The following SLC17A8 variants were observed in gnomAD, a reference collection of about 807,000 sequenced individuals.
SLC17A8 encodes solute carrier family 17 member 8.
A neutral mutation model predicts 58.0 loss-of-function variants in SLC17A8; 31 were observed. That is an observed-to-expected ratio of 0.53 (90% CI 0.40 to 0.72). SLC17A8 has a LOEUF of 0.72. SLC17A8 is among the 30% of genes least tolerant of loss of function. The probability of loss-of-function intolerance (pLI) is 0.00; values close to 1 mark genes in which losing one functional copy is unlikely to be tolerated. For missense variants in SLC17A8, 655 were observed against 727.8 expected (o/e 0.90, Z 1.15); for synonymous variants, 228 against 249.0 (o/e 0.92, Z 0.79).
At position 100,404,037 on chromosome 12, in the gene SLC17A8, G is replaced by A. The variant is rs768942980; in HGVS notation, c.1054-1G>A. ...CTGCTTACTGTTTCTTTCCCTTCCA[G>A]GTGGGTCTCTTGTCAGCAGTCCCAC... On this transcript the variant is annotated splice_acceptor_variant, in intron 8 of 11. Transcript: ENST00000323346. LOFTEE classifies it high-confidence loss of function. The A allele has an allele frequency of 1.2e-6, 2 of 1,614,068 alleles. No homozygotes were observed. Among genetic ancestry groups the A allele is most frequent in the Non-Finnish European group, 1.7e-6 (2 of 1,180,016 alleles).
chr12:100,375,688 G>A (rs760280597), intron 1 of SLC17A8, among the ~76,000 whole-genome samples: 1 of 152,240 alleles, frequency 6.6e-6, no homozygotes, highest in Non-Finnish European at 1.5e-5. Context: ...TGTATATAGA[G>A]AGCGCTAAGC....
intron 9 of SLC17A8, among the ~76,000 whole-genome samples, chr12:100,406,719 A>G (rs574379892): frequency 9.3e-4 from 142 of 152,006 alleles, no homozygotes; most frequent in African/African-American, 3.2e-3. Flanking sequence ...GTATTTTTGT[A>G]GAGACAGGGT....
At chr12:100,380,551 TA>T (rs1290020150) in intron 1 of SLC17A8, 149 bp from the exon 2 acceptor site, 10 of 463,934 alleles carry the variant, frequency 2.2e-5, no homozygotes, top group South Asian at 6.9e-5. Flanking sequence ...TAACTTACTT[TA>T]ATAATAATAG....
In SLC17A8 at chr12:100,396,323, C is replaced by T. The variant is rs1184488128; in HGVS notation, c.589-7C>T. 1 of 1,612,316 alleles carries T rather than the reference C, an allele frequency of 6.2e-7. No individual in the cohort carries two copies. Among genetic ancestry groups the T allele is most frequent in the Non-Finnish European group, 8.5e-7 (1 of 1,178,370 alleles). On this transcript the variant is annotated splice_region_variant and splice_polypyrimidine_tract_variant and intron_variant, in intron 4 of 11. Transcript: ENST00000323346. ...ATCAACTAATCTATTTTCAACTCTTCTGCCAGGGTGTGACCTACCCAGCCT... is the reference window on the plus strand; with the variant it reads ...ATCAACTAATCTATTTTCAACTCTTTTGCCAGGGTGTGACCTACCCAGCCT...
chr12:100,367,959 G>C (rs1177035857), intron 1 of SLC17A8, among the ~76,000 whole-genome samples: 1 of 152,170 alleles, frequency 6.6e-6, no homozygotes, highest in Non-Finnish European at 1.5e-5. Flanking sequence ...AAGTCACCAG[G>C]CTACTCTGGA....
intron 10 of SLC17A8, among the ~76,000 whole-genome samples, chr12:100,417,231 C>T (rs1952912885): frequency 6.6e-6 from 1 of 152,136 alleles, no homozygotes; most frequent in African/African-American, 2.4e-5. Flanking sequence ...TGATAGAAGA[C>T]CTCAAAGAGA....
intron 2 of SLC17A8, among the ~76,000 whole-genome samples, chr12:100,383,150 T>C (rs1052492876): frequency 1.3e-5 from 2 of 152,224 alleles, no homozygotes; most frequent in African/African-American, 4.8e-5. Context: ...ACTTGTCTGC[T>C]GAGGCCCAGA....
chr12:100,367,105 G>C (rs1952525390), intron 1 of SLC17A8, among the ~76,000 whole-genome samples: 1 of 151,944 alleles, frequency 6.6e-6, no homozygotes, highest in African/African-American at 2.4e-5. Flanking sequence ...TTCGTTTGTG[G>C]GTTTTCTGGT....
chr12:100,394,240 C>T (rs1337671163), intron 4 of SLC17A8, among the ~76,000 whole-genome samples: 2 of 152,140 alleles, frequency 1.3e-5, no homozygotes, highest in Non-Finnish European at 2.9e-5. Context: ...CACCTCTGAC[C>T]TTCGCCAGTT....
In SLC17A8 at chr12:100,391,097, T is replaced by G. The variant is rs1275182642; in HGVS notation, c.451T>G (p.Ser151Ala). 1 of 1,612,502 alleles carries G rather than the reference T, an allele frequency of 6.2e-7. No individual in the cohort carries two copies. The highest frequency in any genetic ancestry group is 1.7e-5 in the Admixed American group (1 of 60,004). ...IMTQIPGGFISNKFAANRVFG... is the reference protein window; with the variant it reads ...IMTQIPGGFIANKFAANRVFG... The stretch of plus-strand genomic sequence containing the variant: ...GACACAAATTCCAGGTGGTTTCATT[T>G]CAAACAAGTTTGCTGCTAACAGGTA... The change falls in exon 3 of 12, where the codon TCA (serine) becomes GCA (alanine). Residue 151 changes from serine to alanine, a missense_variant. Physicochemically the swap from Ser to Ala is moderately conservative, Grantham distance 99. Coordinates refer to ENST00000323346, the MANE Select transcript of SLC17A8 (RefSeq NM_139319.3).
chr12:100,419,011 AT>A (rs1295838691), intron 11 of SLC17A8, among the ~76,000 whole-genome samples: 1 of 152,176 alleles, frequency 6.6e-6, no homozygotes, highest in Non-Finnish European at 1.5e-5. Flanking sequence ...AATTCCCATT[AT>A]TTTTTGACAT....
rs1320077825 is a variant in SLC17A8, at chr12:100,420,640, A to G, written c.*481A>G. On this transcript the variant is annotated 3_prime_UTR_variant, in exon 12 of 12. Coordinates refer to ENST00000323346, the MANE Select transcript of SLC17A8 (RefSeq NM_139319.3). ...TAATCTCCACACCTTTATGACACAC[A>G]TTTCTTATCCCCATTTTACAACCAA... is the stretch of plus-strand genomic sequence containing the variant. The G allele has an allele frequency of 6.1e-6, 1 of 162,740 alleles. No individual in the cohort carries two copies. Among genetic ancestry groups the G allele is most frequent in the African/African-American group, 2.4e-5 (1 of 41,642 alleles). The allele number at this position is 162,740 out of a possible 1,614,324, so 10.1% of individuals were successfully genotyped here.
Position 100,380,715 on chromosome 12 carries a change from C to G in SLC17A8, c.116C>G (p.Thr39Arg). ...LGILQRKIDG[T>R]TEEEDNIELN... Reference sequence around the variant, plus strand: ...TTCCCATGTAGAAAAATCGATGGGACAACTGAGGAAGAAGATAACATTGAG... The same window carrying G: ...TTCCCATGTAGAAAAATCGATGGGAGAACTGAGGAAGAAGATAACATTGAG... The change falls in exon 2 of 12, where the codon ACA becomes AGA. Residue 39 changes from threonine (T) to arginine (R), a missense_variant. Coordinates refer to ENST00000323346, the MANE Select transcript of SLC17A8 (RefSeq NM_139319.3). 1 of 1,613,782 alleles carries G rather than the reference C, an allele frequency of 6.2e-7. No individual in the cohort carries two copies. Among genetic ancestry groups the G allele is most frequent in the Non-Finnish European group, 8.5e-7 (1 of 1,179,984 alleles).
Position 100,412,845 on chromosome 12 carries a change from T to C in SLC17A8, c.1262T>C (p.Val421Ala), listed in dbSNP as rs1364626801. ...HTKGVAISFL[V>A]LAVGFSGFAI... is the part of the protein sequence containing the mutation. ...AAAGGGGTGGCTATCTCCTTTCTGGTACTTGCTGTAGGATTTAGTGGCTTC... is the reference window on the plus strand; with the variant it reads ...AAAGGGGTGGCTATCTCCTTTCTGGCACTTGCTGTAGGATTTAGTGGCTTC... Residue 421 changes from valine (V) to alanine (A), a missense_variant, in exon 10 of 12, where the codon GTA becomes GCA. By Grantham distance (64) the Val-to-Ala change is moderately conservative. Transcript: ENST00000323346. 12 of 1,614,042 alleles carry C rather than the reference T, an allele frequency of 7.4e-6. No individual in the cohort carries two copies. The South Asian group carries it at 1.3e-4, about 18-fold the overall frequency.
chr12:100,386,209 GC>G (rs1286530220), intron 2 of SLC17A8, among the ~76,000 whole-genome samples: 1 of 152,006 alleles, frequency 6.6e-6, no homozygotes, highest in Non-Finnish European at 1.5e-5. Flanking sequence ...CCATTTTTTG[GC>G]CTTTCACAAT....
chr12:100,372,096 CT>C (rs1427236680), intron 1 of SLC17A8, among the ~76,000 whole-genome samples: 2 of 152,068 alleles, frequency 1.3e-5, no homozygotes, highest in African/African-American at 2.4e-5. Flanking sequence ...TAAATGGGAC[CT>C]TTTCAGAGGG....
At chr12:100,408,153 G>A (rs1466293187) in intron 9 of SLC17A8, among the ~76,000 whole-genome samples, 2 of 152,132 alleles carry the variant, frequency 1.3e-5, no homozygotes, top group Admixed American at 6.5e-5. Flanking sequence ...AATATAGAAG[G>A]CATTTCTCAT....
chr12:100,380,186 A>T (rs1448164603), intron 1 of SLC17A8, among the ~76,000 whole-genome samples: 1 of 147,606 alleles, frequency 6.8e-6, no homozygotes, highest in Non-Finnish European at 1.5e-5. Context: ...GCAACGGGCA[A>T]CAAAAGCAAA....
At chr12:100,394,073 C>T (rs1952735072) in intron 4 of SLC17A8, among the ~76,000 whole-genome samples, 1 of 152,120 alleles carries the variant, frequency 6.6e-6, no homozygotes, top group African/African-American at 2.4e-5. Flanking sequence ...TTGTTGTGTG[C>T]CATTAAATAT....
Sources: allele counts gnomAD v4.1 joint callset (sites outside exome capture counted in the v4.1 genomes callset), GRCh38; gene constraint gnomAD v4.1.1; transcripts MANE v1.5; gene names NCBI Gene and HGNC (gene_info 2026-07-23, HGNC 2026-07-21).